The following CAMK4 variants were observed in gnomAD, a reference collection of about 807,000 sequenced individuals.
CAMK4 encodes the protein calcium/calmodulin dependent protein kinase IV.
A neutral mutation model predicts 44.9 loss-of-function variants in CAMK4; 22 were observed. The observed-to-expected ratio is 0.49, with a 90% CI of 0.35 to 0.70. CAMK4 has a LOEUF of 0.70. Among genes scored for constraint, CAMK4 ranks in the 30% least tolerant of loss-of-function variants. The pLI is 0.01. For synonymous variants in CAMK4, 218 were observed against 215.4 expected (o/e 1.01, Z -0.11); for missense variants, 498 against 586.8 (o/e 0.85, Z 1.56).
At chr5:111,278,265 A>T (rs1452400489) in intron 1 of CAMK4, among the ~76,000 whole-genome samples, 1 of 152,166 alleles carries the variant, frequency 6.6e-6, no homozygotes, top group Non-Finnish European at 1.5e-5. Flanking sequence ...GACACGTGGG[A>T]GTGCCTACCT....
chr5:111,484,700 A>G lies in CAMK4; in HGVS notation c.*234A>G, dbSNP rs1755554426. ...CTAATACCGATGAGTTAAATCTTGCAAGTTAACACAACGTAACACTTAAAA... is the reference window on the plus strand; with the variant it reads ...CTAATACCGATGAGTTAAATCTTGCGAGTTAACACAACGTAACACTTAAAA... On this transcript the variant is annotated 3_prime_UTR_variant, in exon 11 of 11. Coordinates refer to ENST00000282356, the MANE Select transcript of CAMK4 (RefSeq NM_001744.6). The surrounding 1 kb of genome is among the most constrained non-coding windows in gnomAD (Gnocchi z 5.3). 1 of 359,388 alleles carries G rather than the reference A, an allele frequency of 2.8e-6. No homozygotes were observed. The highest frequency in any genetic ancestry group is 5.0e-6 in the Non-Finnish European group (1 of 201,852). The allele number at this position is 359,388 out of a possible 1,614,324, so 22.3% of individuals were successfully genotyped here.
intron 7 of CAMK4, among the ~76,000 whole-genome samples, chr5:111,467,973 A>ACCG (rs1554074271): frequency 1.9e-4 from 17 of 91,734 alleles, no homozygotes; most frequent in Admixed American, 1.9e-3. Context: ...CACACACACC[A>ACCG]TGGAATACTA....
intron 4 of CAMK4, among the ~76,000 whole-genome samples, chr5:111,388,151 G>A (rs1417746088): frequency 6.6e-6 from 1 of 152,174 alleles, no homozygotes. Context: ...AAGGGTGATG[G>A]TTGGCCAAGA....
intron 4 of CAMK4, among the ~76,000 whole-genome samples, chr5:111,379,785 A>C (rs927548224): frequency 6.6e-6 from 1 of 152,098 alleles, no homozygotes; most frequent in African/African-American, 2.4e-5. Flanking sequence ...CATATGAGTC[A>C]ATTATACTCA....
chr5:111,347,992 ATTT>A (rs1161091688), intron 2 of CAMK4, among the ~76,000 whole-genome samples: 1 of 152,070 alleles, frequency 6.6e-6, no homozygotes, highest in African/African-American at 2.4e-5. Flanking sequence ...ATGTATAAAT[ATTT>A]TTAAGTCCGA....
chr5:111,277,685 G>A (rs1386993689), intron 1 of CAMK4: 1 of 151,558 alleles, frequency 6.6e-6, no homozygotes, highest in African/African-American at 2.4e-5. Flanking sequence ...ACTCAGTCGT[G>A]TTTTTTTTCT....
chr5:111,252,123 G>A lies in CAMK4; in HGVS notation c.161+27479G>A, dbSNP rs75339999. On this transcript the variant is annotated intron_variant, in intron 1 of 10. Transcript: ENST00000282356. ...AGTTACAGGGTGCCAAGACACTGTC[G>A]TATTCATGGCAGCTCTGGGAATTAC... Among the ~76,000 whole-genome samples, 674 of 152,262 alleles carry A rather than the reference G, an allele frequency of 4.4e-3. 5 individuals carry two copies. Among genetic ancestry groups the A allele is most frequent in the African/African-American group, 0.015 (630 of 41,544 alleles).
At chr5:111,448,024 A>G (rs1256680518) in intron 6 of CAMK4, among the ~76,000 whole-genome samples, 1 of 152,212 alleles carries the variant, frequency 6.6e-6, no homozygotes, top group Non-Finnish European at 1.5e-5. Context: ...GCTTCCACTG[A>G]TAAGGATCAG....
intron 1 of CAMK4, among the ~76,000 whole-genome samples, chr5:111,240,024 C>G (rs1748914896): frequency 6.6e-6 from 1 of 152,114 alleles, no homozygotes. Context: ...GTAAGATTTT[C>G]CACATCTGCA....
At chr5:111,360,043 C>T (rs527937797) in intron 2 of CAMK4, among the ~76,000 whole-genome samples, 6 of 152,156 alleles carry the variant, frequency 3.9e-5, no homozygotes, top group Admixed American at 1.3e-4. Context: ...ACCCACCACA[C>T]TTACATCTGC....
intron 1 of CAMK4, among the ~76,000 whole-genome samples, chr5:111,323,190 A>G (rs952072584): frequency 1.3e-5 from 2 of 152,144 alleles, no homozygotes; most frequent in African/African-American, 4.8e-5. Context: ...AACCAAAGGT[A>G]GGCATATCCT....
chr5:111,449,202 C>A lies in CAMK4; in HGVS notation c.624C>A (p.Cys208Ter). 7.1e-7 allele frequency: 1 copy of A among 1,416,398 alleles called. No individual in the cohort carries two copies. Among genetic ancestry groups the A allele is most frequent in the Non-Finnish European group, 9.8e-7 (1 of 1,019,164 alleles). 87.7% of individuals were successfully genotyped at this position (1,416,398 alleles called of 1,614,324 possible). A position where few individuals can be genotyped will look rare whatever the true frequency, so the allele number is the denominator to read the frequency against. ...CAGTATGTGGAACCCCAGGGTACTG[C>A]GGTATGCTCTTTAATAATTATATTT... ...MKTVCGTPGYCAPEILRGCAY... is the reference protein window; with the variant it reads ...MKTVCGTPGY Residue 208 changes from cysteine to a stop codon, truncating the protein, a stop_gained and splice_region_variant, in exon 7 of 11, where the codon TGC (cysteine) becomes TGA (stop). Coordinates refer to ENST00000282356, the MANE Select transcript of CAMK4 (RefSeq NM_001744.6). LOFTEE classifies it high-confidence loss of function.
chr5:111,250,078 C>T (rs1665385275), intron 1 of CAMK4, among the ~76,000 whole-genome samples: 2 of 152,168 alleles, frequency 1.3e-5, no homozygotes, highest in Admixed American at 1.3e-4. Context: ...ATCTGTCTGA[C>T]TCCAAAGCTT....
At chr5:111,480,131 C>G (rs745884509) in intron 9 of CAMK4, among the ~76,000 whole-genome samples, 1 of 152,054 alleles carries the variant, frequency 6.6e-6, no homozygotes, top group Non-Finnish European at 1.5e-5. Flanking sequence ...ACTTTTCACT[C>G]TAGTGCACCA....
At chr5:111,369,027 C>G (rs1750902070) in intron 2 of CAMK4, among the ~76,000 whole-genome samples, 1 of 148,990 alleles carries the variant, frequency 6.7e-6, no homozygotes, top group African/African-American at 2.5e-5. Context: ...CTTTAGGAGC[C>G]CTTTCTACTC....
At chr5:111,359,096 A>G (rs1288350093) in intron 2 of CAMK4, among the ~76,000 whole-genome samples, 1 of 152,126 alleles carries the variant, frequency 6.6e-6, no homozygotes, top group Non-Finnish European at 1.5e-5. Context: ...TATACCCAGT[A>G]ATGGGATTGC....
intron 2 of CAMK4, among the ~76,000 whole-genome samples, chr5:111,351,799 T>C (rs1750120459): frequency 6.6e-6 from 1 of 152,112 alleles, no homozygotes; most frequent in Non-Finnish European, 1.5e-5. Context: ...GTGCTATCAT[T>C]ATTTTATAGA....
chr5:111,454,901 C>T (rs1407174921), intron 7 of CAMK4, among the ~76,000 whole-genome samples: 3 of 152,042 alleles, frequency 2.0e-5, no homozygotes, highest in Non-Finnish European at 4.4e-5. Context: ...CTAATTTATT[C>T]ATAAGCTTAA....
At chr5:111,270,168 G>C (rs1318624833) in intron 1 of CAMK4, 1 of 152,184 alleles carries the variant, frequency 6.6e-6, no homozygotes, top group African/African-American at 2.4e-5. Flanking sequence ...TTTCTGAGGA[G>C]AAGTGAAAAC....
Sources: allele counts gnomAD v4.1 joint callset (sites outside exome capture counted in the v4.1 genomes callset), GRCh38; gene constraint gnomAD v4.1.1; non-coding constraint Gnocchi (gnomAD v3.1); transcripts MANE v1.5; gene names NCBI Gene and HGNC (gene_info 2026-07-23, HGNC 2026-07-21).